Variants in P2RX7 observed in about 807,000 individuals in gnomAD.
P2RX7 encodes P2X purinoceptor 7.
Under a neutral mutation model 71.6 loss-of-function variants are expected in P2RX7, and 62 were observed. The ratio of observed to expected loss-of-function variants is 0.87; its 90% CI spans 0.71 to 1.07. P2RX7 has a LOEUF of 1.07. Ranked by LOEUF, P2RX7 falls within the 50% of genes least tolerant of loss-of-function variation. P2RX7 has a pLI of 0.00. For missense variants in P2RX7, 686 were observed against 748.5 expected, an observed-to-expected ratio of 0.92 and a Z score of 0.97; for synonymous variants, 299 against 283.3, an observed-to-expected ratio of 1.06 and a Z score of -0.56.
intron 1 of P2RX7, among the ~76,000 whole-genome samples, chr12:121,151,992 T>C (rs1214188966): frequency 6.6e-6 from 1 of 152,102 alleles, no homozygotes; most frequent in Non-Finnish European, 1.5e-5. Context: ...TAAATTATAT[T>C]GTTTTCAAGG....
In P2RX7 at chr12:121,162,528, G is replaced by T. The variant is rs200501625; in HGVS notation, c.533+8G>T. The stretch of plus-strand genomic sequence containing the variant: ...AGTGGAAGAGGCCCCCCGGTGAGTC[G>T]CATGGGGAGACAGACACAGTGGCCC... On this transcript the variant is annotated splice_region_variant and intron_variant, in intron 5 of 12. Coordinates refer to ENST00000328963, the MANE Select transcript of P2RX7 (RefSeq NM_002562.6). 22 of 1,611,232 alleles carry T rather than the reference G, an allele frequency of 1.4e-5. No individual in the cohort carries two copies. The highest frequency in any genetic ancestry group is 1.8e-5 in the Non-Finnish European group (21 of 1,179,898).
intron 6 of P2RX7, 64 bp downstream of exon 6, chr12:121,165,501 C>A: frequency 7.7e-7 from 1 of 1,305,152 alleles, no homozygotes; most frequent in Non-Finnish European, 1.1e-6. Context: ...TATCCCAAAC[C>A]TCAGAAGCCT....
At chr12:121,171,381 T>TTTTC (rs60321793) in intron 8 of P2RX7, among the ~76,000 whole-genome samples, 1 of 117,904 alleles carries the variant, frequency 8.5e-6, no homozygotes, top group Non-Finnish European at 1.8e-5. Context: ...TTTTTTTTTT[T>TTTTC]GAGGCAGGGT....
At chr12:121,178,722 G>A (rs1451636196) in intron 11 of P2RX7, among the ~76,000 whole-genome samples, 1 of 148,494 alleles carries the variant, frequency 6.7e-6, no homozygotes, top group Non-Finnish European at 1.5e-5. Context: ...AACCTGGTAG[G>A]CAGAGGTTGC....
chr12:121,137,580 G>A lies in P2RX7; in HGVS notation c.125+4485G>A, dbSNP rs115174205. Among the ~76,000 whole-genome samples, 171 of 152,152 alleles carry A rather than the reference G, an allele frequency of 1.1e-3. 1 individual carries two copies. The highest frequency in any genetic ancestry group is 4.0e-3 in the African/African-American group (166 of 41,508). ...TCACCAGCTTTGCTTTTTTCCTCTT[G>A]GTTAATGGACTATCTATTAACGTCT... On this transcript the variant is annotated intron_variant, in intron 1 of 12. Transcript: ENST00000328963.
At chr12:121,175,344 CT>C in intron 8 of P2RX7, 43 bp from the exon 9 acceptor site, 1 of 1,058,936 alleles carries the variant, frequency 9.4e-7, no homozygotes, top group Non-Finnish European at 1.4e-6. Flanking sequence ...AAACCCAGCA[CT>C]TTCAAAGGGA....
chr12:121,145,424 G>A (rs1007612824), intron 1 of P2RX7, among the ~76,000 whole-genome samples: 13 of 152,270 alleles, frequency 8.5e-5, no homozygotes, highest in Middle Eastern at 3.4e-3. Context: ...GATGGGGGTG[G>A]GAGCCAGACT....
rs979924919 is a variant in P2RX7, at chr12:121,149,612, C to G, written c.126-5173C>G. 6.6e-6 allele frequency among the ~76,000 whole-genome samples: 1 copy of G among 152,148 alleles called. No individual in the cohort carries two copies. The highest frequency in any genetic ancestry group is 1.5e-5 in the Non-Finnish European group (1 of 68,028). On this transcript the variant is annotated intron_variant, in intron 1 of 12. Coordinates refer to ENST00000328963, the MANE Select transcript of P2RX7 (RefSeq NM_002562.6). The surrounding 1 kb of genome is among the most constrained non-coding windows in gnomAD (Gnocchi z 4.7). ...CAATTATCTCCCACCAGGTCCCTCC[C>G]ACAACACATGGAAATTATGGGAGCT...
intron 1 of P2RX7, among the ~76,000 whole-genome samples, chr12:121,140,252 A>G (rs557500367): frequency 6.6e-6 from 1 of 152,344 alleles, no homozygotes; most frequent in East Asian, 1.9e-4. Flanking sequence ...CAAGGACAGC[A>G]TGTCCCAGAA....
At position 121,142,419 on chromosome 12, in the gene P2RX7, C is replaced by T. The variant is rs540402918; in HGVS notation, c.125+9324C>T. Reference sequence around the variant, plus strand: ...CATCTCCAAGCCTGCTATGACACAACGCATTGTTCTCATGCTTCAAATCTC... The same window carrying T: ...CATCTCCAAGCCTGCTATGACACAATGCATTGTTCTCATGCTTCAAATCTC... On this transcript the variant is annotated intron_variant, in intron 1 of 12. Coordinates refer to ENST00000328963, the MANE Select transcript of P2RX7 (RefSeq NM_002562.6). Among the ~76,000 whole-genome samples the T allele has an allele frequency of 1.1e-4, 16 of 152,288 alleles. No individual in the cohort carries two copies. The South Asian group carries it at 2.1e-3, about 20-fold the overall frequency.
rs34595094 is a variant in P2RX7, at chr12:121,171,359, C to CTTT, written c.881+3755_881+3757dup. Among the ~76,000 whole-genome samples the CTTT allele has an allele frequency of 5.8e-4, 61 of 104,974 alleles. 1 individual carries two copies. The highest frequency in any genetic ancestry group is 1.1e-3 in the Admixed American group (10 of 9,140). 68.9% of individuals were successfully genotyped at this position (104,974 alleles called of 152,430 possible). On this transcript the variant is annotated intron_variant, in intron 8 of 12. Coordinates refer to ENST00000328963, the MANE Select transcript of P2RX7 (RefSeq NM_002562.6). ...CACTGTGTCTCTATGTCTTCAATCTCTTTTTTTTTTTTTTTTTTTTTTGAG... is the reference window on the plus strand; with the variant it reads ...CACTGTGTCTCTATGTCTTCAATCTCTTTTTTTTTTTTTTTTTTTTTTTTTGAG...
At chr12:121,153,944 A>T (rs184522634) in intron 1 of P2RX7, among the ~76,000 whole-genome samples, 14 of 151,240 alleles carry the variant, frequency 9.3e-5, no homozygotes, top group African/African-American at 3.4e-4. Context: ...ACATAAAGAG[A>T]CCCCCGTCTC....
At chr12:121,175,288 G>A (rs1199571308) in intron 8 of P2RX7, 100 bp from the exon 9 acceptor site, 4 of 640,680 alleles carry the variant, frequency 6.2e-6, no homozygotes, top group Middle Eastern at 2.9e-4. Flanking sequence ...TCCAGCCTGG[G>A]TGACAGCGTG....
At chr12:121,155,537 AG>A (rs1290759600) in intron 2 of P2RX7, among the ~76,000 whole-genome samples, 1 of 152,126 alleles carries the variant, frequency 6.6e-6, no homozygotes, top group African/African-American at 2.4e-5. Flanking sequence ...AAAACAGATA[AG>A]GGGGCGAGAG....
Position 121,187,635 on chromosome 12 carries a change from A to C in P2RX7, c.*2833A>C, listed in dbSNP as rs994257689. The C allele has an allele frequency of 6.6e-6, 1 of 151,710 alleles. No individual in the cohort carries two copies. The highest frequency in any genetic ancestry group is 2.4e-5 in the African/African-American group (1 of 41,392). 9.4% of individuals were successfully genotyped at this position (151,710 alleles called of 1,614,324 possible). A position where few individuals can be genotyped will look rare whatever the true frequency, so the allele number is the denominator to read the frequency against. ...TCTACTGTTTTCCATCACCTTCCCC[A>C]CTGATGCTCTGGGCGAGAGAGTGAT... On this transcript the variant is annotated 3_prime_UTR_variant, in exon 13 of 13. Transcript: ENST00000328963.
chr12:121,155,073 T>G (rs1878294719), intron 2 of P2RX7, 120 bp downstream of exon 2: 1 of 1,502,004 alleles, frequency 6.7e-7, no homozygotes, highest in African/African-American at 1.4e-5. Context: ...TTTTAAAAGC[T>G]CTGTGAACAT....
At chr12:121,178,031 A>T (rs1258518985) in intron 11 of P2RX7, among the ~76,000 whole-genome samples, 1 of 152,130 alleles carries the variant, frequency 6.6e-6, no homozygotes, top group Non-Finnish European at 1.5e-5. Context: ...TTTGTCATTT[A>T]TTAAATTGGT....
At chr12:121,176,488 C>T (rs550382742) in intron 9 of P2RX7, among the ~76,000 whole-genome samples, 1 of 152,316 alleles carries the variant, frequency 6.6e-6, no homozygotes, top group South Asian at 2.1e-4. Context: ...CACGGTGGCT[C>T]ATGCCTGTAA....
intron 12 of P2RX7, among the ~76,000 whole-genome samples, chr12:121,182,031 T>C (rs66850672): frequency 0.064 from 9,564 of 150,022 alleles, 348 homozygotes; most frequent in Non-Finnish European, 0.087. Flanking sequence ...ACCTCTGCAC[T>C]CTAGCCTGGG....
Sources: allele counts gnomAD v4.1 joint callset (sites outside exome capture counted in the v4.1 genomes callset), GRCh38; gene constraint gnomAD v4.1.1; non-coding constraint Gnocchi (gnomAD v3.1); transcripts MANE v1.5; gene names NCBI Gene and HGNC (gene_info 2026-07-23, HGNC 2026-07-21).